Variants in SLC35H1 observed in about 807,000 individuals in gnomAD.
SLC35H1 encodes solute carrier family 35 member H1, also known as ovarian cancer-overexpressed gene 1 protein.
the SLC35H1 span, chr20:46,353,288 T>C: frequency 6.6e-6 from 1 of 152,286 alleles, no homozygotes; most frequent in African/African-American, 2.4e-5. Flanking sequence ...CATGGCCCCT[T>C]GCTCCAGAAA....
chr20:46,360,176 T>A, the SLC35H1 span, among the ~76,000 whole-genome samples: 1 of 152,338 alleles, frequency 6.6e-6, no homozygotes, highest in East Asian at 1.9e-4. Context: ...TAACTCTGTT[T>A]ACATGTAAAC....
the SLC35H1 span, chr20:46,350,449 C>A: frequency 6.2e-7 from 1 of 1,613,626 alleles, no homozygotes; most frequent in Non-Finnish European, 8.5e-7. Context: ...ACCTTCCTCC[C>A]GCTGGCTGCT....
the SLC35H1 span, chr20:46,355,939 G>C: frequency 6.2e-7 from 1 of 1,601,882 alleles, no homozygotes; most frequent in Non-Finnish European, 8.5e-7. The surrounding 1 kb of genome is among the most constrained non-coding windows in gnomAD (Gnocchi z 4.8). Flanking sequence ...ACCGAGAAAG[G>C]AGCAGGAGCA....
chr20:46,357,695 C>A, the SLC35H1 span: 4 of 1,614,050 alleles, frequency 2.5e-6, no homozygotes, highest in East Asian at 2.2e-5. Context: ...GAGCACTGAA[C>A]CAGCGCCCTG....
chr20:46,351,167 G>A, the SLC35H1 span, among the ~76,000 whole-genome samples: 1 of 152,244 alleles, frequency 6.6e-6, no homozygotes, highest in Non-Finnish European at 1.5e-5. Flanking sequence ...GGACCAGGGT[G>A]TCCAGATCGC....
chr20:46,362,891 C>A, the SLC35H1 span, among the ~76,000 whole-genome samples: 1 of 152,212 alleles, frequency 6.6e-6, no homozygotes, highest in African/African-American at 2.4e-5. Context: ...CTCAGGCTCC[C>A]GAGGAGCTGG....
the SLC35H1 span, chr20:46,348,664 G>C: frequency 6.6e-6 from 1 of 152,208 alleles, no homozygotes; most frequent in Non-Finnish European, 1.5e-5. Flanking sequence ...TCCTGAGCAC[G>C]GAGGCTCTGA....
At chr20:46,359,939 C>CG in the SLC35H1 span, among the ~76,000 whole-genome samples, 1 of 152,186 alleles carries the variant, frequency 6.6e-6, no homozygotes, top group Non-Finnish European at 1.5e-5. Context: ...TTCCCCTCCC[C>CG]GGGGCAAACA....
At chr20:46,349,287 G>A in the SLC35H1 span, 1 of 152,286 alleles carries the variant, frequency 6.6e-6, no homozygotes, top group African/African-American at 2.4e-5. Flanking sequence ...CAGAGCTGGG[G>A]TCTTGCCCCC....
the SLC35H1 span, chr20:46,356,525 C>CA: frequency 1.3e-6 from 2 of 1,599,958 alleles, no homozygotes; most frequent in South Asian, 2.2e-5. Context: ...GCTGGACAGA[C>CA]AGACAGCTTC....
chr20:46,355,226 G>C, the SLC35H1 span: 8 of 1,613,662 alleles, frequency 5.0e-6, no homozygotes, highest in African/African-American at 1.1e-4. The surrounding 1 kb of genome is among the most constrained non-coding windows in gnomAD (Gnocchi z 4.8). Context: ...AGGACCACCA[G>C]GACCAGTGCC....
chr20:46,353,492 C>G, the SLC35H1 span, among the ~76,000 whole-genome samples: 1 of 152,060 alleles, frequency 6.6e-6, no homozygotes, highest in Non-Finnish European at 1.5e-5. Context: ...GGAAGCTGGA[C>G]GAGTATTTTG....
the SLC35H1 span, chr20:46,358,688 C>A: frequency 6.4e-7 from 1 of 1,551,200 alleles, no homozygotes. Flanking sequence ...GCAGAGTCCT[C>A]ACCTAAGGGG....
At chr20:46,355,341 T>C in the SLC35H1 span, 2 of 1,351,720 alleles carry the variant, frequency 1.5e-6, no homozygotes, top group Non-Finnish European at 2.0e-6. The surrounding 1 kb of genome is among the most constrained non-coding windows in gnomAD (Gnocchi z 4.8). Context: ...TGGCTGCCCC[T>C]GGGGCAAGAA....
chr20:46,349,325 A>C, the SLC35H1 span: 1 of 152,288 alleles, frequency 6.6e-6, no homozygotes. Flanking sequence ...AGAGGCCTGC[A>C]GTCTAGAGAA....
chr20:46,355,859 T>G, the SLC35H1 span: 2 of 1,613,790 alleles, frequency 1.2e-6, no homozygotes, highest in Admixed American at 3.3e-5. This position sits in a 1 kb window ranked among gnomAD's most constrained non-coding sequence, Gnocchi z 4.8. Flanking sequence ...CAGCTGAGGA[T>G]TTGGTCATTG....
chr20:46,355,209 G>A, the SLC35H1 span: 12 of 1,613,826 alleles, frequency 7.4e-6, no homozygotes, highest in Non-Finnish European at 7.6e-6. The surrounding 1 kb of genome is among the most constrained non-coding windows in gnomAD (Gnocchi z 4.8). Flanking sequence ...GACCCCCGGC[G>A]ATGAGGAGGA....
At chr20:46,361,753 C>G in the SLC35H1 span, among the ~76,000 whole-genome samples, 1 of 152,238 alleles carries the variant, frequency 6.6e-6, no homozygotes, top group East Asian at 1.9e-4. Context: ...AACCTGCTCC[C>G]TGTTGAGAAC....
At chr20:46,350,914 A>G in the SLC35H1 span, 1 of 1,612,914 alleles carries the variant, frequency 6.2e-7, no homozygotes, top group East Asian at 2.2e-5. Flanking sequence ...AGCAGGAGGG[A>G]GCATGATCAA....
Sources: allele counts gnomAD v4.1 joint callset (sites outside exome capture counted in the v4.1 genomes callset), GRCh38; gene constraint gnomAD v4.1.1; non-coding constraint Gnocchi (gnomAD v3.1); transcripts MANE v1.5; gene names NCBI Gene and HGNC (gene_info 2026-07-23, HGNC 2026-07-21).